The following TMEM167A variants were observed in gnomAD, a reference collection of about 807,000 sequenced individuals.
TMEM167A encodes the protein transmembrane protein 167A.
In TMEM167A, 8 loss-of-function variants were observed where a neutral mutation model predicts 11.6. The observed-to-expected ratio is 0.69, with a 90% CI of 0.40 to 1.24. The LOEUF is 1.24. Among genes scored for constraint, TMEM167A ranks in the 50% most tolerant of loss-of-function variants. The pLI is 0.01. For missense variants in TMEM167A, 62 were observed against 87.0 expected, an observed-to-expected ratio of 0.71 and a Z score of 1.14; for synonymous variants, 22 against 28.0, an observed-to-expected ratio of 0.79 and a Z score of 0.67.
At chr5:83,067,488 G>C (rs762467463) in intron 1 of TMEM167A, among the ~76,000 whole-genome samples, 2 of 152,094 alleles carry the variant, frequency 1.3e-5, no homozygotes, top group Non-Finnish European at 2.9e-5. Flanking sequence ...AAAATGCTGT[G>C]ATTATCTGTG....
chr5:83,063,086 G>A (rs1366757585), intron 2 of TMEM167A, among the ~76,000 whole-genome samples: 1 of 151,998 alleles, frequency 6.6e-6, no homozygotes, highest in African/African-American at 2.4e-5. Flanking sequence ...AAAAACATGA[G>A]TTTATTTCAA....
chr5:83,068,649 T>C (rs1046161459), intron 1 of TMEM167A, among the ~76,000 whole-genome samples: 8 of 151,518 alleles, frequency 5.3e-5, no homozygotes, highest in African/African-American at 1.9e-4. Context: ...GAAAAAAAAA[T>C]GTGGGAAAAA....
chr5:83,059,497 C>T (rs1744377498), intron 3 of TMEM167A, among the ~76,000 whole-genome samples: 1 of 147,938 alleles, frequency 6.8e-6, no homozygotes. Flanking sequence ...GTATTCTTAA[C>T]CACTGTTTCT....
intron 3 of TMEM167A, among the ~76,000 whole-genome samples, chr5:83,057,433 C>T (rs183984140): frequency 2.4e-4 from 37 of 152,108 alleles, no homozygotes; most frequent in African/African-American, 8.2e-4. Context: ...AACTCAGACA[C>T]TAAAAAATAC....
Position 83,069,391 on chromosome 5 carries a change from G to A in TMEM167A, c.4-4274C>T, listed in dbSNP as rs1181265052. On this transcript the variant is annotated intron_variant, in intron 1 of 3. Transcript: ENST00000502346. ...AAAATGTTATTAAAAGGGAAAGGAGGAATCTAAGAAAAGGTAAGCATATTT... is the reference window on the plus strand; with the variant it reads ...AAAATGTTATTAAAAGGGAAAGGAGAAATCTAAGAAAAGGTAAGCATATTT... Among the ~76,000 whole-genome samples the A allele has an allele frequency of 2.6e-5, 4 of 152,126 alleles. No individual in the cohort carries two copies. The East Asian group carries it at 7.7e-4, about 29-fold the overall frequency.
At chr5:83,067,131 A>G (rs1744494646) in intron 1 of TMEM167A, among the ~76,000 whole-genome samples, 1 of 152,194 alleles carries the variant, frequency 6.6e-6, no homozygotes, top group Admixed American at 6.5e-5. Flanking sequence ...AACATTGTAA[A>G]GACAACCTAT....
chr5:83,056,754 C>A lies in TMEM167A; in HGVS notation c.*330G>T. ...CATTTCCAAATCACAGTGAAAGGAACTTGAGTAATTAACCAATTTTGTTTT... is the reference window on the plus strand; with the variant it reads ...CATTTCCAAATCACAGTGAAAGGAAATTGAGTAATTAACCAATTTTGTTTT... On this transcript the variant is annotated 3_prime_UTR_variant, in exon 4 of 4. Transcript: ENST00000502346. 3.5e-6 allele frequency: 1 copy of A among 285,804 alleles called. No individual in the cohort carries two copies. Among genetic ancestry groups the A allele is most frequent in the Non-Finnish European group, 6.6e-6 (1 of 151,992 alleles). 17.7% of individuals were successfully genotyped at this position (285,804 alleles called of 1,614,324 possible).
rs374763509 is a variant in TMEM167A, at chr5:83,053,932, C to G, written c.*3152G>C. 24 of 152,170 alleles carry G rather than the reference C, an allele frequency of 1.6e-4. No homozygotes were observed. The highest frequency in any genetic ancestry group is 5.3e-4 in the African/African-American group (22 of 41,554). The allele number at this position is 152,170 out of a possible 1,614,324, so 9.4% of individuals were successfully genotyped here. A position where few individuals can be genotyped will look rare whatever the true frequency, so the allele number is the denominator to read the frequency against. On this transcript the variant is annotated 3_prime_UTR_variant, in exon 4 of 4. Transcript: ENST00000502346. ...ACTATGAATTACTACGAGGAAGAATCTGTGTGCCTATCTTCCTGTCTTCAG... is the reference window on the plus strand; with the variant it reads ...ACTATGAATTACTACGAGGAAGAATGTGTGTGCCTATCTTCCTGTCTTCAG...
intron 1 of TMEM167A, among the ~76,000 whole-genome samples, chr5:83,076,199 T>G (rs1296337592): frequency 6.6e-6 from 1 of 152,242 alleles, no homozygotes; most frequent in East Asian, 1.9e-4. Context: ...AAACATCTAT[T>G]CAGAAGTTGC....
intron 1 of TMEM167A, among the ~76,000 whole-genome samples, chr5:83,068,429 C>T (rs897541885): frequency 6.6e-6 from 1 of 152,070 alleles, no homozygotes; most frequent in Non-Finnish European, 1.5e-5. Context: ...CTGAGGCACA[C>T]AGCAGTTATA....
At chr5:83,066,956 T>C (rs921633523) in intron 1 of TMEM167A, among the ~76,000 whole-genome samples, 4 of 152,194 alleles carry the variant, frequency 2.6e-5, no homozygotes, top group African/African-American at 7.2e-5. Flanking sequence ...TGATGCAACA[T>C]AAAAGCCCTT....
At chr5:83,065,138 G>T in intron 1 of TMEM167A, 21 bp from the exon 2 acceptor site, 1 of 1,288,968 alleles carries the variant, frequency 7.8e-7, no homozygotes, top group Non-Finnish European at 1.1e-6. Flanking sequence ...AAAAAAAAAA[G>T]AAAAATTAAT....
intron 1 of TMEM167A, among the ~76,000 whole-genome samples, chr5:83,073,340 A>T (rs187160914): frequency 1.4e-3 from 210 of 152,336 alleles, no homozygotes; most frequent in African/African-American, 4.7e-3. Flanking sequence ...TTTAAGCCAA[A>T]AGATATATAA....
rs27493 is a variant in TMEM167A at position 83,054,372 on chromosome 5, G to A, written c.*2712C>T. 44,829 of 151,706 alleles carry A rather than the reference G, an allele frequency of 0.3. 8,455 individuals are homozygous for A. Among genetic ancestry groups the A allele is most frequent in the Non-Finnish European group, 0.42 (28,547 of 67,842 alleles). 9.4% of individuals were successfully genotyped at this position (151,706 alleles called of 1,614,324 possible). A position where few individuals can be genotyped will look rare whatever the true frequency, so the allele number is the denominator to read the frequency against. On this transcript the variant is annotated 3_prime_UTR_variant, in exon 4 of 4. Coordinates refer to ENST00000502346, the MANE Select transcript of TMEM167A (RefSeq NM_174909.5). ...CGCCCTTCCTATTAGCACAGCTGAA[G>A]CCAATCCAGAACTAAACATCAGCAC...
intron 3 of TMEM167A, among the ~76,000 whole-genome samples, chr5:83,061,103 A>C (rs1744400463): frequency 6.6e-6 from 1 of 152,212 alleles, no homozygotes; most frequent in African/African-American, 2.4e-5. Flanking sequence ...CGAGTCAAAC[A>C]GTTCGGCTAT....
At chr5:83,057,676 A>G (rs1445926845) in intron 3 of TMEM167A, among the ~76,000 whole-genome samples, 1 of 152,096 alleles carries the variant, frequency 6.6e-6, no homozygotes, top group African/African-American at 2.4e-5. Flanking sequence ...AAAAATGGAC[A>G]AATTAAAATG....
chr5:83,064,932 T>G, intron 2 of TMEM167A, 76 bp downstream of exon 2: 1 of 856,272 alleles, frequency 1.2e-6, no homozygotes. Flanking sequence ...TTAAATTATC[T>G]AATAATTTAT....
At position 83,065,384 on chromosome 5, in the gene TMEM167A, G is replaced by C. The variant is rs370388002; in HGVS notation, c.4-267C>G. 5.4e-5 allele frequency among the ~76,000 whole-genome samples: 8 copies of C among 148,596 alleles called. No individual in the cohort carries two copies. In the East Asian group the frequency reaches 1.2e-3, roughly 22 times the overall value. ...AATGGGCAGACAGACTTAAATGCTA[G>C]CTAAGTTTCTTTTAATTCTGAATTT... On this transcript the variant is annotated intron_variant, in intron 1 of 3. Transcript: ENST00000502346.
chr5:83,061,996 T>C, intron 2 of TMEM167A, 85 bp from the exon 3 acceptor site: 1 of 1,117,996 alleles, frequency 8.9e-7, no homozygotes, highest in South Asian at 1.3e-5. Context: ...AGGGAATTAA[T>C]TGTATATTAA....
Sources: gnomAD v4.1 joint callset for allele counts (sites outside exome capture counted in the v4.1 genomes callset) on GRCh38, gnomAD v4.1.1 for gene constraint, MANE v1.5 for transcripts, NCBI Gene and HGNC (gene_info 2026-07-23, HGNC 2026-07-21) for gene names.